The following ASTN1 variants were observed in gnomAD, a reference collection of about 807,000 sequenced individuals.
The protein encoded by ASTN1 is astrotactin 1, also known as astrotactin-1.
Under a neutral mutation model 140.7 loss-of-function variants are expected in ASTN1, and 41 were observed. The observed-to-expected ratio is 0.29, with a 90% CI of 0.23 to 0.38. ASTN1 has a LOEUF of 0.38. ASTN1 is among the 10% of genes least tolerant of loss of function. The pLI, the probability that ASTN1 is intolerant of heterozygous loss-of-function variation, is 1.00. For missense variants in ASTN1, 1,479 were observed against 1,678.8 expected, an observed-to-expected ratio of 0.88 and a Z score of 2.08; for synonymous variants, 640 against 652.2, an observed-to-expected ratio of 0.98 and a Z score of 0.29.
intron 1 of ASTN1, among the ~76,000 whole-genome samples, chr1:177,152,105 A>G (rs1479792037): frequency 6.6e-6 from 1 of 152,126 alleles, no homozygotes; most frequent in Non-Finnish European, 1.5e-5. Context: ...ATCAGTTCTC[A>G]GAATTCATAT....
intron 1 of ASTN1, among the ~76,000 whole-genome samples, chr1:177,131,960 A>G (rs1681964701): frequency 1.3e-5 from 2 of 152,168 alleles, no homozygotes; most frequent in African/African-American, 4.8e-5. Context: ...GAAATGTATA[A>G]GGGATCTGTC....
chr1:176,896,210 C>T (rs1669498650), intron 16 of ASTN1, among the ~76,000 whole-genome samples: 1 of 152,158 alleles, frequency 6.6e-6, no homozygotes, highest in East Asian at 1.9e-4. Flanking sequence ...GGAAGTTTTA[C>T]CTAGCACGTT....
intron 16 of ASTN1, among the ~76,000 whole-genome samples, chr1:176,910,282 T>C (rs985959121): frequency 3.9e-5 from 6 of 152,222 alleles, no homozygotes; most frequent in African/African-American, 1.4e-4. Context: ...CTATTATTTC[T>C]GTTTTTGAGT....
intron 2 of ASTN1, among the ~76,000 whole-genome samples, chr1:177,053,690 C>A (rs933075009): frequency 3.3e-5 from 5 of 152,078 alleles, no homozygotes; most frequent in Admixed American, 3.3e-4. Flanking sequence ...AAAAATTTCC[C>A]GCAAAAATGC....
rs181541691 is a variant in ASTN1, at chr1:177,123,465, A to G, written c.283+40929T>C. Among the ~76,000 whole-genome samples the G allele has an allele frequency of 8.5e-5, 13 of 152,348 alleles. No individual in the cohort carries two copies. The East Asian group carries it at 2.3e-3, about 27-fold the overall frequency. On this transcript the variant is annotated intron_variant, in intron 1 of 22. Coordinates refer to ENST00000361833, the MANE Select transcript of ASTN1 (RefSeq NM_004319.3). Reference sequence around the variant, plus strand: ...TACCTTAGAGCATCTGTTCCTCAGCAAAATGCCATGAAGGAGGCACAGTAG... The same window carrying G: ...TACCTTAGAGCATCTGTTCCTCAGCGAAATGCCATGAAGGAGGCACAGTAG...
chr1:177,058,683 T>C (rs1677928174), intron 2 of ASTN1, among the ~76,000 whole-genome samples: 1 of 152,198 alleles, frequency 6.6e-6, no homozygotes, highest in Admixed American at 6.5e-5. Flanking sequence ...TCAGCATATA[T>C]ATTTTTTAAA....
chr1:176,864,489 T>A lies in ASTN1; in HGVS notation c.3680A>T (p.Asp1227Val). The change falls in exon 23 of 23, where the codon GAC becomes GTC. Residue 1227 changes from aspartate (D) to valine (V), a missense_variant. By Grantham distance (152) the Asp-to-Val change is radical. Transcript: ENST00000361833. ...KAGLILSQLG[D>V]LSSWCNGLLQ... ...GAGTCCATTGCACCAACTGCTGAGG[T>A]CCCCAAGCTGGGAAAGGATGAGACC... 1 of 1,613,984 alleles carries A rather than the reference T, an allele frequency of 6.2e-7. No individual in the cohort carries two copies. Among genetic ancestry groups the A allele is most frequent in the Non-Finnish European group, 8.5e-7 (1 of 1,179,964 alleles).
At chr1:177,095,902 C>T (rs1045754464) in intron 1 of ASTN1, among the ~76,000 whole-genome samples, 2 of 152,312 alleles carry the variant, frequency 1.3e-5, no homozygotes, top group Admixed American at 6.5e-5. Context: ...CCCAGCAAAG[C>T]CATGGGGGAA....
intron 17 of ASTN1, 98 bp downstream of exon 17, chr1:176,894,464 C>A: frequency 6.9e-6 from 10 of 1,452,924 alleles, no homozygotes; most frequent in Non-Finnish European, 8.3e-6. Context: ...CATATTCTAG[C>A]ATGGCCCTCA....
chr1:177,132,796 TGCCAGTAAA>T (rs1682003209), intron 1 of ASTN1, among the ~76,000 whole-genome samples: 1 of 152,210 alleles, frequency 6.6e-6, no homozygotes, highest in South Asian at 2.1e-4. Context: ...ACTGCTATGA[TGCCAGTAAA>T]GCTGTTCACT....
In ASTN1 at chr1:177,018,958, G is replaced by T. The variant is rs796145142; in HGVS notation, c.1439-4083C>A. ...GTTACAAACCTGGGGACATATGGGAGAGAATGTCAGGGTGCAGTTGGCAAA... is the reference window on the plus strand; with the variant it reads ...GTTACAAACCTGGGGACATATGGGATAGAATGTCAGGGTGCAGTTGGCAAA... On this transcript the variant is annotated intron_variant, in intron 7 of 22. Coordinates refer to ENST00000361833, the MANE Select transcript of ASTN1 (RefSeq NM_004319.3). Among the ~76,000 whole-genome samples, 89 of 152,346 alleles carry T rather than the reference G, an allele frequency of 5.8e-4. 1 individual carries two copies. Among genetic ancestry groups the T allele is most frequent in the African/African-American group, 2.1e-3 (86 of 41,584 alleles).
intron 1 of ASTN1, among the ~76,000 whole-genome samples, chr1:177,112,869 C>T (rs1490865463): frequency 6.6e-6 from 1 of 152,164 alleles, no homozygotes; most frequent in African/African-American, 2.4e-5. Context: ...TTTTTCCCCA[C>T]ATCATCTCCC....
At chr1:176,868,035 C>T (rs559164061) in intron 22 of ASTN1, among the ~76,000 whole-genome samples, 2 of 151,840 alleles carry the variant, frequency 1.3e-5, no homozygotes, top group East Asian at 3.9e-4. Flanking sequence ...ATTCTCACAG[C>T]TCTTCCCCTA....
rs1448549043 is a variant in ASTN1 at position 176,861,385 on chromosome 1, G to A, written c.*2899C>T. 10 of 985,818 alleles carry A rather than the reference G, an allele frequency of 1.0e-5. No homozygotes were observed. The highest frequency in any genetic ancestry group is 1.2e-5 in the Non-Finnish European group (10 of 829,922). The allele number at this position is 985,818 out of a possible 1,614,324, so 61.1% of individuals were successfully genotyped here. ...AAACTCCAGAGGTCTTGGGGACATGGGAGCTGGGAGAGTGTTGGTGGGATA... is the reference window on the plus strand; with the variant it reads ...AAACTCCAGAGGTCTTGGGGACATGAGAGCTGGGAGAGTGTTGGTGGGATA... On this transcript the variant is annotated 3_prime_UTR_variant, in exon 23 of 23. Coordinates refer to ENST00000361833, the MANE Select transcript of ASTN1 (RefSeq NM_004319.3).
chr1:176,894,650 C>T lies in ASTN1; in HGVS notation c.2852G>A (p.Ser951Asn). The T allele has an allele frequency of 6.2e-7, 1 of 1,614,130 alleles. No individual in the cohort carries two copies. Among genetic ancestry groups the T allele is most frequent in the African/African-American group, 1.3e-5 (1 of 75,042 alleles). ...AACCGGCTCAGCAGGGGTGTCAGGG[C>T]TGGATGTCACATGACACAGGGGGCA... Reference protein sequence around the residue: ...SSCPLCHVTSSPDTPAEPVLL... With the variant: ...SSCPLCHVTSNPDTPAEPVLL... Residue 951 changes from serine (S) to asparagine (N), a missense_variant, in exon 17 of 23, where the codon AGC becomes AAC. By Grantham distance (46) the Ser-to-Asn change is conservative (BLOSUM62 1). Transcript: ENST00000361833.
intron 16 of ASTN1, among the ~76,000 whole-genome samples, chr1:176,916,445 G>A (rs889586612): frequency 1.3e-5 from 2 of 152,132 alleles, no homozygotes; most frequent in Admixed American, 1.3e-4. Flanking sequence ...CCAGTTTAAT[G>A]TCTGGGTGAA....
intron 1 of ASTN1, among the ~76,000 whole-genome samples, chr1:177,115,230 T>C (rs1021216397): frequency 3.3e-5 from 5 of 152,102 alleles, no homozygotes; most frequent in African/African-American, 1.2e-4. Flanking sequence ...TGAGGTGTGG[T>C]TGTAATCACA....
intron 8 of ASTN1, among the ~76,000 whole-genome samples, chr1:176,980,482 C>A: frequency 6.6e-6 from 1 of 152,132 alleles, no homozygotes; most frequent in East Asian, 1.9e-4. Flanking sequence ...CTCCCAAACT[C>A]TAGGAAGCTC....
In ASTN1 at chr1:177,044,176, TAC is replaced by T. The variant is rs3979531; in HGVS notation, c.472-11329_472-11328del. Among the ~76,000 whole-genome samples, 1,359 of 143,324 alleles carry T rather than the reference TAC, an allele frequency of 9.5e-3. 18 individuals carry two copies. The highest frequency in any genetic ancestry group is 0.029 in the African/African-American group (1,134 of 38,718). 94.0% of individuals were successfully genotyped at this position (143,324 alleles called of 152,430 possible). A position where few individuals can be genotyped will look rare whatever the true frequency, so the allele number is the denominator to read the frequency against. The stretch of plus-strand genomic sequence containing the variant: ...TAATTTTAAGAAATGAAAAAAAAAA[TAC>T]ACACACACACACACACACACACACA... On this transcript the variant is annotated intron_variant, in intron 2 of 22. Coordinates refer to ENST00000361833, the MANE Select transcript of ASTN1 (RefSeq NM_004319.3).
Sources: allele counts gnomAD v4.1 joint callset (sites outside exome capture counted in the v4.1 genomes callset), GRCh38; gene constraint gnomAD v4.1.1; transcripts MANE v1.5; gene names NCBI Gene and HGNC (gene_info 2026-07-23, HGNC 2026-07-21).